PFKL: variants seen among roughly 807,000 people sequenced by gnomAD.
The protein encoded by PFKL is phosphofructokinase, liver type.
A neutral mutation model predicts 92.1 loss-of-function variants in PFKL; 74 were observed. The observed-to-expected ratio is 0.80, with a 90% CI of 0.67 to 0.97. The LOEUF is 0.97. Among genes scored for constraint, PFKL ranks in the 50% least tolerant of loss-of-function variants. The pLI, the probability that PFKL is intolerant of heterozygous loss-of-function variation, is 0.00. For missense variants in PFKL, 1,028 were observed against 1,116.6 expected (o/e 0.92, Z 1.13); for synonymous variants, 494 against 456.4 (o/e 1.08, Z -1.05).
chr21:44,326,775 A>G lies in PFKL; in HGVS notation c.2256A>G (p.Ala752=), dbSNP rs2047526889. 1 of 1,611,012 alleles carries G rather than the reference A, an allele frequency of 6.2e-7. No individual in the cohort carries two copies. Among genetic ancestry groups the G allele is most frequent in the Non-Finnish European group, 8.5e-7 (1 of 1,179,156 alleles). The change falls in exon 22 of 22, where the codon GCA becomes GCG. Residue 752 remains alanine, a synonymous_variant. Transcript: ENST00000349048. ...LSLRLMLKML[A]QYRISMAAYV... ...TGCGGCTCATGCTGAAGATGCTGGC[A>G]CAATACCGCATCAGTATGGCCGCCT...
intron 3 of PFKL, 55 bp from the exon 4 acceptor site, chr21:44,312,050 A>AG: frequency 7.5e-7 from 1 of 1,335,200 alleles, no homozygotes; most frequent in African/African-American, 1.5e-5. Flanking sequence ...GGTGATCCCC[A>AG]GGGGCTGTCT....
At chr21:44,300,334 C>T (rs1306789022) in intron 1 of PFKL, 144 bp downstream of exon 1, 7 of 238,902 alleles carry the variant, frequency 2.9e-5, no homozygotes, top group African/African-American at 9.2e-5. Flanking sequence ...CGGCCTCCTG[C>T]CCCGGGTCTG....
Position 44,327,064 on chromosome 21 carries a change from C to G in PFKL, c.*202C>G. ...TCTTGAGACCAGCCTGCCAGGCCCT[C>G]CAGCAGGAGGACAGAGTGCCCTGGG... On this transcript the variant is annotated 3_prime_UTR_variant, in exon 22 of 22. Coordinates refer to ENST00000349048, the MANE Select transcript of PFKL (RefSeq NM_002626.6). 1.7e-6 allele frequency: 1 copy of G among 596,806 alleles called. No individual in the cohort carries two copies. The highest frequency in any genetic ancestry group is 3.0e-6 in the Non-Finnish European group (1 of 334,910). 37.0% of individuals were successfully genotyped at this position (596,806 alleles called of 1,614,324 possible).
At chr21:44,301,216 G>A (rs1026183085) in intron 1 of PFKL, among the ~76,000 whole-genome samples, 16 of 152,204 alleles carry the variant, frequency 1.1e-4, no homozygotes, top group African/African-American at 3.9e-4. Flanking sequence ...GGCAGGAGTG[G>A]CTCGTGGGTG....
rs923224906 is a variant in PFKL, at chr21:44,316,604, G to A, written c.936+80G>A. ...GTGTGGGTGTGGGCAGTGTGCACGC[G>A]AGCATGGCACGTGCACTGTGTCCAT... On this transcript the variant is annotated intron_variant, in intron 9 of 21. Transcript: ENST00000349048. 38 of 1,072,900 alleles carry A rather than the reference G, an allele frequency of 3.5e-5. 1 individual carries two copies. In the Middle Eastern group the frequency reaches 9.1e-4, roughly 26 times the overall value. 66.5% of individuals were successfully genotyped at this position (1,072,900 alleles called of 1,614,324 possible).
intron 1 of PFKL, among the ~76,000 whole-genome samples, chr21:44,302,100 G>C (rs1480613111): frequency 6.6e-6 from 1 of 152,248 alleles, no homozygotes; most frequent in Non-Finnish European, 1.5e-5. Context: ...GGTTCCAACT[G>C]CTCAGCCTGG....
intron 1 of PFKL, among the ~76,000 whole-genome samples, chr21:44,302,466 G>A (rs1381603969): frequency 6.6e-6 from 1 of 152,126 alleles, no homozygotes; most frequent in Admixed American, 6.5e-5. Context: ...GGCTCTCCCA[G>A]GCCACCACTG....
In PFKL at chr21:44,326,875, CCA is replaced by C. The variant is rs757922599; in HGVS notation, c.*15_*16del. ...CAAGGGCTTCTGAGGCCAGCCATGC[CCA>C]CGCCCCTCCCCAGCCCCCACCCATG... On this transcript the variant is annotated 3_prime_UTR_variant, in exon 22 of 22. Coordinates refer to ENST00000349048, the MANE Select transcript of PFKL (RefSeq NM_002626.6). 3 of 1,596,216 alleles carry C rather than the reference CCA, an allele frequency of 1.9e-6. No homozygotes were observed. The South Asian group carries it at 3.4e-5, about 18-fold the overall frequency.
Position 44,326,962 on chromosome 21 carries a change from G to A in PFKL, c.*100G>A. 2 of 1,133,542 alleles carry A rather than the reference G, an allele frequency of 1.8e-6. No homozygotes were observed. The highest frequency in any genetic ancestry group is 1.4e-5 in the South Asian group (1 of 71,772). The allele number at this position is 1,133,542 out of a possible 1,614,324, so 70.2% of individuals were successfully genotyped here. A position where few individuals can be genotyped will look rare whatever the true frequency, so the allele number is the denominator to read the frequency against. Reference sequence around the variant, plus strand: ...CTGTTGTGTCTGGAGCCTGCAGGCAGGTGGGGGCTGCGTCCCTGCTCAGCC... The same window carrying A: ...CTGTTGTGTCTGGAGCCTGCAGGCAAGTGGGGGCTGCGTCCCTGCTCAGCC... On this transcript the variant is annotated 3_prime_UTR_variant, in exon 22 of 22. Transcript: ENST00000349048.
At chr21:44,311,139 G>T in intron 3 of PFKL, 56 bp downstream of exon 3, 1 of 1,365,342 alleles carries the variant, frequency 7.3e-7, no homozygotes, top group Admixed American at 1.8e-5. Context: ...CAGACACACA[G>T]AGACAGACCT....
chr21:44,312,403 G>GA, intron 4 of PFKL, 109 bp downstream of exon 4: 1 of 1,032,042 alleles, frequency 9.7e-7, no homozygotes, highest in Non-Finnish European at 1.4e-6. Context: ...GTGCCCCGAG[G>GA]CAGAGGAGGG....
intron 16 of PFKL, 31 bp from the exon 17 acceptor site, chr21:44,324,460 G>A: frequency 6.2e-7 from 1 of 1,611,100 alleles, no homozygotes; most frequent in Non-Finnish European, 8.5e-7. Flanking sequence ...GTGGGCACGT[G>A]GAGGACCCCC....
chr21:44,302,009 G>A (rs920297652), intron 1 of PFKL, among the ~76,000 whole-genome samples: 6 of 152,220 alleles, frequency 3.9e-5, no homozygotes, highest in Admixed American at 6.5e-5. Flanking sequence ...GGATGCTGGT[G>A]GAGGATCTGG....
At chr21:44,310,408 G>A (rs1290087776) in intron 2 of PFKL, among the ~76,000 whole-genome samples, 1 of 152,182 alleles carries the variant, frequency 6.6e-6, no homozygotes, top group Non-Finnish European at 1.5e-5. Flanking sequence ...ATGGCCACTC[G>A]GGTCCCCTGG....
intron 21 of PFKL, 109 bp from the exon 22 acceptor site, chr21:44,326,606 G>A: frequency 7.5e-7 from 1 of 1,332,002 alleles, no homozygotes; most frequent in East Asian, 2.5e-5. Flanking sequence ...TCAGACAGAG[G>A]GGCATGCACA....
rs569873029 is a variant in PFKL at position 44,326,187 on chromosome 21, G to A, written c.2118G>A (p.Ser706=). Residue 706 remains serine (S), a synonymous_variant, in exon 21 of 22, where the codon TCG becomes TCA. Coordinates refer to ENST00000349048, the MANE Select transcript of PFKL (RefSeq NM_002626.6). ...GGGTGTTCGCCAATGCCCCAGACTCGGCCTGCGTGATCGGCCTGAAGAAGA... is the reference window on the plus strand; with the variant it reads ...GGGTGTTCGCCAATGCCCCAGACTCAGCCTGCGTGATCGGCCTGAAGAAGA... ...KGRVFANAPD[S]ACVIGLKKKA... is the part of the protein sequence containing the mutation. 47 of 1,613,008 alleles carry A rather than the reference G, an allele frequency of 2.9e-5. No homozygotes were observed. In the East Asian group the frequency reaches 8.2e-4, roughly 28 times the overall value.
intron 2 of PFKL, among the ~76,000 whole-genome samples, chr21:44,307,721 A>AGACTGGGGTGG (rs1555875954): frequency 2.0e-5 from 3 of 151,620 alleles, no homozygotes; most frequent in Non-Finnish European, 4.4e-5. Context: ...CCCTGTGGCC[A>AGACTGGGGTGG]GGCTGGGGCC....
chr21:44,326,991 C>T lies in PFKL; in HGVS notation c.*129C>T, dbSNP rs931192410. ...GGGGCTGCGTCCCTGCTCAGCCCAT[C>T]CCCTGCCTCTATCCCTGGCCACCTG... On this transcript the variant is annotated 3_prime_UTR_variant, in exon 22 of 22. Transcript: ENST00000349048. 3.6e-6 allele frequency: 3 copies of T among 838,090 alleles called. No homozygotes were observed. The highest frequency in any genetic ancestry group is 4.8e-5 in the Admixed American group (2 of 42,062). The allele number at this position is 838,090 out of a possible 1,614,324, so 51.9% of individuals were successfully genotyped here. A position where few individuals can be genotyped will look rare whatever the true frequency, so the allele number is the denominator to read the frequency against.
chr21:44,314,184 C>T (rs978355024), intron 7 of PFKL, 163 bp downstream of exon 7: 7 of 607,994 alleles, frequency 1.2e-5, no homozygotes, highest in Admixed American at 5.6e-5. Flanking sequence ...TGGGGGGCTA[C>T]GGGGCTGACC....
Sources: gnomAD v4.1 joint callset for allele counts (sites outside exome capture counted in the v4.1 genomes callset) on GRCh38, gnomAD v4.1.1 for gene constraint, MANE v1.5 for transcripts, NCBI Gene and HGNC (gene_info 2026-07-23, HGNC 2026-07-21) for gene names.